CXADR: variants seen among roughly 807,000 people sequenced by gnomAD.
The protein encoded by CXADR is CXADR cell adhesion molecule.
Under a neutral mutation model 40.3 loss-of-function variants are expected in CXADR, and 20 were observed. The ratio of observed to expected loss-of-function variants is 0.50; its 90% confidence interval spans 0.35 to 0.72. The LOEUF (loss-of-function observed/expected upper bound fraction) is 0.72. Among genes scored for constraint, CXADR ranks in the 30% least tolerant of loss-of-function variants. The pLI, the probability that CXADR is intolerant of heterozygous loss-of-function variation, is 0.01. For synonymous variants in CXADR, 150 were observed against 161.3 expected, an observed-to-expected ratio of 0.93 and a Z score of 0.53; for missense variants, 332 against 449.1, an observed-to-expected ratio of 0.74 and a Z score of 2.36.
chr21:17,520,543 C>G (rs1023777792), intron 1 of CXADR, among the ~76,000 whole-genome samples: 3 of 152,116 alleles, frequency 2.0e-5, no homozygotes, highest in Non-Finnish European at 4.4e-5. Context: ...CACCCTAACC[C>G]CACGGTACTA....
At position 17,567,734 on chromosome 21, in the gene CXADR, GTAAA is replaced by G. The variant is rs1165459425; in HGVS notation, c.*2047_*2050del. 7.7e-5 allele frequency: 65 copies of G among 841,234 alleles called. No homozygotes were observed. The highest frequency in any genetic ancestry group is 1.1e-4 in the South Asian group (2 of 18,322). 52.1% of individuals were successfully genotyped at this position (841,234 alleles called of 1,614,324 possible). A position where few individuals can be genotyped will look rare whatever the true frequency, so the allele number is the denominator to read the frequency against. On this transcript the variant is annotated 3_prime_UTR_variant, in exon 7 of 7. Transcript: ENST00000284878. ...ATTTATAAAATATTATAAAAAATAA[GTAAA>G]TAAACAGAACATTAATAATAAAGTT... is the stretch of plus-strand genomic sequence containing the variant.
chr21:17,585,787 G>A (rs2061391457), intron 7 of CXADR, among the ~76,000 whole-genome samples: 1 of 151,960 alleles, frequency 6.6e-6, no homozygotes, highest in African/African-American at 2.4e-5. Context: ...CAAAGTGCTG[G>A]GATTACAGGC....
intron 6 of CXADR, 136 bp from the exon 7 acceptor site, chr21:17,565,282 GACACACACAC>G (rs6147430): frequency 0.016 from 12,510 of 804,908 alleles, 262 homozygotes; most frequent in African/African-American, 0.091. Flanking sequence ...GCTTTTTTGT[GACACACACAC>G]ACACACACAC....
the CXADR span, among the ~76,000 whole-genome samples, chr21:17,603,551 C>T: frequency 6.6e-6 from 1 of 152,108 alleles, no homozygotes. Flanking sequence ...GGTCAGTCTG[C>T]GACCACCTTA....
chr21:17,599,527 AGTGCAATGG>A, the CXADR span, among the ~76,000 whole-genome samples: 6 of 137,928 alleles, frequency 4.4e-5, no homozygotes, highest in Non-Finnish European at 9.1e-5. Context: ...CCCAGGCTGG[AGTGCAATGG>A]GTGCAATCTC....
In CXADR at chr21:17,579,433, T is replaced by C. The variant is rs574208653; in HGVS notation, c.1018-13719T>C. ...CCGAGTAGCTGGGACTACAGGTGCA[T>C]GCCACCACACCCAGCTAATTTTTTG... On this transcript the variant is annotated intron_variant, in intron 7 of 7. Transcript: ENST00000400169. Among the ~76,000 whole-genome samples, 62 of 152,108 alleles carry C rather than the reference T, an allele frequency of 4.1e-4. 1 individual carries two copies. Among genetic ancestry groups the C allele is most frequent in the East Asian group, 9.7e-4 (5 of 5,152 alleles).
chr21:17,572,554 CCTT>C (rs139090402), downstream of CXADR, among the ~76,000 whole-genome samples: 15,290 of 152,060 alleles, frequency 0.1, 810 homozygotes, highest in Middle Eastern at 0.15. Context: ...TTTCTAAAGC[CCTT>C]CTTACGGATT....
intron 7 of CXADR, among the ~76,000 whole-genome samples, chr21:17,583,879 A>G (rs1478283978): frequency 2.0e-5 from 3 of 152,186 alleles, no homozygotes; most frequent in African/African-American, 4.8e-5. Flanking sequence ...ATTAGCTTGT[A>G]ATGGATCTAC....
At chr21:17,598,689 TGAA>T in the CXADR span, 3 of 1,614,178 alleles carry the variant, frequency 1.9e-6, no homozygotes, top group Admixed American at 1.7e-5. Flanking sequence ...TTTCTTCATC[TGAA>T]GAAGAGGATC....
intron 1 of CXADR, among the ~76,000 whole-genome samples, chr21:17,534,100 ATTTTTTT>A (rs1157117899): frequency 5.8e-4 from 35 of 60,054 alleles, no homozygotes; most frequent in African/African-American, 3.0e-3. Context: ...ATATATATAT[ATTTTTTT>A]TTTTTTTTTT....
At chr21:17,601,565 T>C in the CXADR span, among the ~76,000 whole-genome samples, 577 of 152,280 alleles carry the variant, frequency 3.8e-3, 3 homozygotes, top group African/African-American at 0.014. Flanking sequence ...TCCTAAACAA[T>C]TGAGTTCCTC....
At chr21:17,592,360 A>G (rs2061445030) in intron 7 of CXADR, among the ~76,000 whole-genome samples, 1 of 151,338 alleles carries the variant, frequency 6.6e-6, no homozygotes, top group Non-Finnish European at 1.5e-5. Context: ...TTAAATCTAG[A>G]TAATACCTAA....
At chr21:17,580,172 G>A (rs911629395) in intron 7 of CXADR, among the ~76,000 whole-genome samples, 27 of 152,086 alleles carry the variant, frequency 1.8e-4, no homozygotes, top group African/African-American at 5.3e-4. Context: ...GAAAACAGCC[G>A]TTTATTAAAT....
chr21:17,516,289 C>T (rs1007022066), intron 1 of CXADR, among the ~76,000 whole-genome samples: 3 of 152,228 alleles, frequency 2.0e-5, no homozygotes, highest in Admixed American at 1.3e-4. Context: ...ACACTATGCT[C>T]TTCTGTCCCT....
chr21:17,529,188 G>A (rs372976511), intron 1 of CXADR, among the ~76,000 whole-genome samples: 8 of 151,648 alleles, frequency 5.3e-5, no homozygotes, highest in Non-Finnish European at 1.0e-4. Flanking sequence ...ACAGGAGCCC[G>A]CCACCATGCC....
chr21:17,571,446 T>A (rs1233908173), downstream of CXADR, among the ~76,000 whole-genome samples: 1 of 152,228 alleles, frequency 6.6e-6, no homozygotes, highest in Non-Finnish European at 1.5e-5. Context: ...ATTTAGACCA[T>A]ATTTTAATCT....
At chr21:17,553,501 A>G (rs1243546919) in intron 3 of CXADR, among the ~76,000 whole-genome samples, 4 of 152,194 alleles carry the variant, frequency 2.6e-5, no homozygotes, top group Non-Finnish European at 4.4e-5. Flanking sequence ...AGGAAAAGGA[A>G]TATGGTAATG....
intron 1 of CXADR, among the ~76,000 whole-genome samples, chr21:17,543,372 T>C (rs963209520): frequency 6.6e-6 from 1 of 152,226 alleles, no homozygotes; most frequent in Non-Finnish European, 1.5e-5. Flanking sequence ...TTGTATAGTG[T>C]AAGTACTGAG....
intron 1 of CXADR, among the ~76,000 whole-genome samples, chr21:17,518,227 CACAT>C (rs2060485329): frequency 6.6e-6 from 1 of 152,048 alleles, no homozygotes; most frequent in South Asian, 2.1e-4. Context: ...CATACCCACA[CACAT>C]ACATAAGCAA....
Sources: allele counts gnomAD v4.1 joint callset (sites outside exome capture counted in the v4.1 genomes callset), GRCh38; gene constraint gnomAD v4.1.1; transcripts MANE v1.5; gene names NCBI Gene and HGNC (gene_info 2026-07-23, HGNC 2026-07-21).